Variants in MAF observed in about 807,000 individuals in gnomAD.
MAF encodes the protein MAF bZIP transcription factor.
Under a neutral mutation model 22.0 loss-of-function variants are expected in MAF, and 10 were observed. That is an observed-to-expected ratio of 0.45 (90% CI 0.28 to 0.77). MAF has a LOEUF of 0.77. MAF is among the 30% of genes least tolerant of loss of function. MAF has a pLI of 0.12. For synonymous variants in MAF, 337 were observed against 255.8 expected (o/e 1.32, Z -3.03); for missense variants, 544 against 548.4 (o/e 0.99, Z 0.08).
the MAF span, among the ~76,000 whole-genome samples, chr16:79,498,928 T>A: frequency 6.6e-6 from 1 of 152,132 alleles, no homozygotes; most frequent in Non-Finnish European, 1.5e-5. Flanking sequence ...GAGAGTCTAG[T>A]GGGCAAGGCA....
the MAF span, chr16:79,204,527 T>TA: frequency 2.0e-5 from 3 of 152,170 alleles, no homozygotes; most frequent in Non-Finnish European, 2.9e-5. Context: ...AGGCTAGACA[T>TA]AAATCTATCA....
chr16:79,580,586 C>T, the MAF span, among the ~76,000 whole-genome samples: 2 of 152,098 alleles, frequency 1.3e-5, no homozygotes, highest in Non-Finnish European at 2.9e-5. Flanking sequence ...AGTCTCCAGA[C>T]GCTGCTTGGA....
At chr16:79,403,304 G>C in the MAF span, among the ~76,000 whole-genome samples, 2 of 152,170 alleles carry the variant, frequency 1.3e-5, no homozygotes, top group Non-Finnish European at 2.9e-5. Flanking sequence ...CGGTATAGGG[G>C]CTCAGTGTAT....
At chr16:79,423,965 G>A in the MAF span, among the ~76,000 whole-genome samples, 1 of 152,092 alleles carries the variant, frequency 6.6e-6, no homozygotes, top group Non-Finnish European at 1.5e-5. Flanking sequence ...TCTTAATAGG[G>A]TTAAGATTCA....
chr16:79,383,200 C>T, the MAF span, among the ~76,000 whole-genome samples: 1 of 152,102 alleles, frequency 6.6e-6, no homozygotes, highest in African/African-American at 2.4e-5. Flanking sequence ...GGTACTTAAA[C>T]TCCAACTGAA....
At chr16:79,221,948 C>A in the MAF span, among the ~76,000 whole-genome samples, 2 of 152,250 alleles carry the variant, frequency 1.3e-5, no homozygotes, top group South Asian at 4.1e-4. Context: ...TGTTAATACA[C>A]TTCCCTGGGA....
chr16:79,208,618 A>C, the MAF span, among the ~76,000 whole-genome samples: 5 of 133,796 alleles, frequency 3.7e-5, no homozygotes, highest in East Asian at 2.0e-4. Flanking sequence ...ATGGTGATTA[A>C]AGTGCTCTTT....
the MAF span, among the ~76,000 whole-genome samples, chr16:79,538,913 G>C: frequency 6.8e-6 from 1 of 147,350 alleles, no homozygotes; most frequent in Admixed American, 6.8e-5. Flanking sequence ...GAAAGAAAAA[G>C]AAATCACCCA....
the MAF span, among the ~76,000 whole-genome samples, chr16:79,479,579 C>A: frequency 6.6e-6 from 1 of 152,160 alleles, no homozygotes; most frequent in South Asian, 2.1e-4. Context: ...AATCCTTCGT[C>A]CCCCTCTCTA....
the MAF span, among the ~76,000 whole-genome samples, chr16:79,370,747 G>A: frequency 2.0e-5 from 3 of 152,110 alleles, no homozygotes; most frequent in Non-Finnish European, 4.4e-5. Context: ...GTTGTTACCT[G>A]CTCATTCTCT....
chr16:79,489,157 C>T, the MAF span, among the ~76,000 whole-genome samples: 2 of 151,944 alleles, frequency 1.3e-5, no homozygotes, highest in African/African-American at 2.4e-5. Context: ...CCACCCATCC[C>T]CACACATCCA....
chr16:79,510,326 T>C, the MAF span, among the ~76,000 whole-genome samples: 2 of 152,210 alleles, frequency 1.3e-5, no homozygotes, highest in African/African-American at 4.8e-5. Flanking sequence ...AGAGAGACTG[T>C]TTCTCGAGAA....
At chr16:79,503,706 T>C in the MAF span, among the ~76,000 whole-genome samples, 1 of 152,200 alleles carries the variant, frequency 6.6e-6, no homozygotes, top group Non-Finnish European at 1.5e-5. Context: ...CTGCTTCCCT[T>C]TTTACTTTGG....
the MAF span, among the ~76,000 whole-genome samples, chr16:79,451,700 G>A: frequency 6.6e-6 from 1 of 151,686 alleles, no homozygotes; most frequent in African/African-American, 2.4e-5. Context: ...TATGCTCATT[G>A]AAAAAAAATA....
chr16:79,376,966 T>C, the MAF span, among the ~76,000 whole-genome samples: 16 of 152,348 alleles, frequency 1.1e-4, no homozygotes, highest in East Asian at 2.7e-3. Flanking sequence ...CTGTTGTGAA[T>C]AGTGCCACAA....
chr16:79,549,526 C>T, the MAF span, among the ~76,000 whole-genome samples: 8 of 152,194 alleles, frequency 5.3e-5, no homozygotes, highest in African/African-American at 1.9e-4. Context: ...CAGCAAGAGA[C>T]TGAACTGAAT....
At chr16:79,408,095 A>C in the MAF span, among the ~76,000 whole-genome samples, 2 of 146,898 alleles carry the variant, frequency 1.4e-5, no homozygotes, top group East Asian at 4.2e-4. Flanking sequence ...AAAAAAAAAA[A>C]AAAAACCTAA....
the MAF span, among the ~76,000 whole-genome samples, chr16:79,549,369 C>T: frequency 6.6e-6 from 1 of 152,158 alleles, no homozygotes; most frequent in Non-Finnish European, 1.5e-5. Flanking sequence ...AGCTCCACTC[C>T]AGGCTGGGAT....
chr16:79,515,316 C>T, the MAF span, among the ~76,000 whole-genome samples: 2 of 152,192 alleles, frequency 1.3e-5, no homozygotes, highest in Admixed American at 1.3e-4. Flanking sequence ...TTGATGGTTC[C>T]ACTTATGGAA....
Sources: gnomAD v4.1 joint callset for allele counts (sites outside exome capture counted in the v4.1 genomes callset) on GRCh38, gnomAD v4.1.1 for gene constraint, MANE v1.5 for transcripts, NCBI Gene and HGNC (gene_info 2026-07-23, HGNC 2026-07-21) for gene names.